Variants in MRPL38 observed in about 807,000 individuals in gnomAD.
The protein encoded by MRPL38 is mitochondrial ribosomal protein L38, also known as large ribosomal subunit protein mL38.
MRPL38 carries 51 observed loss-of-function variants against 52.1 expected under a neutral mutation model. The ratio of observed to expected loss-of-function variants is 0.98; its 90% CI spans 0.78 to 1.24. The LOEUF (loss-of-function observed/expected upper bound fraction) is 1.24. Among genes scored for constraint, MRPL38 ranks in the 50% most tolerant of loss-of-function variants. MRPL38 has a pLI of 0.00. For synonymous variants in MRPL38, 245 were observed against 212.7 expected (o/e 1.15, Z -1.32); for missense variants, 527 against 518.6 (o/e 1.02, Z -0.16).
chr17:75,904,765 CGACA>C, intron 1 of MRPL38, 40 bp downstream of exon 1: 20 of 749,826 alleles, frequency 2.7e-5, no homozygotes, highest in Non-Finnish European at 3.5e-5. Context: ...ACAGCTCGGG[CGACA>C]GCCCCCCCCC....
chr17:75,902,877 A>G (rs7210701), intron 2 of MRPL38, among the ~76,000 whole-genome samples: 1,999 of 152,222 alleles, frequency 0.013, 53 homozygotes, highest in African/African-American at 0.046. Context: ...GCCTGCCACC[A>G]TGCCCGACTA....
intron 8 of MRPL38, 41 bp downstream of exon 8, chr17:75,899,117 G>A: frequency 6.4e-7 from 1 of 1,572,312 alleles, no homozygotes. Context: ...CGAGGCCTGG[G>A]AGCTCAGGCC....
At chr17:75,900,102 T>G (rs1224393967) in intron 6 of MRPL38, 1 of 154,648 alleles carries the variant, frequency 6.5e-6, no homozygotes, top group African/African-American at 2.4e-5. Flanking sequence ...CCCCAGAGGG[T>G]CCTGCCGCAT....
Position 75,904,826 on chromosome 17 carries a change from C to A in MRPL38, c.50G>T (p.Arg17Leu), listed in dbSNP as rs143159098. 19 of 1,526,192 alleles carry A rather than the reference C, an allele frequency of 1.2e-5. No homozygotes were observed. In the Admixed American group the frequency reaches 2.6e-4, roughly 21 times the overall value. The allele number at this position is 1,526,192 out of a possible 1,614,324, so 94.5% of individuals were successfully genotyped here. Reference sequence around the variant, plus strand: ...CCCCTCACCCGAGGTGCTGAAGCCCCGCCATCTCCGACACTCGCACAGCGC... The same window carrying A: ...CCCCTCACCCGAGGTGCTGAAGCCCAGCCATCTCCGACACTCGCACAGCGC... ...RAALCECRRW[R>L]GFSTSAVLGR... The change falls in exon 1 of 9, where the codon CGG becomes CTG. Residue 17 changes from arginine to leucine, a missense_variant. Physicochemically the swap from Arg to Leu is moderately radical, Grantham distance 102. Coordinates refer to ENST00000309352, the MANE Select transcript of MRPL38 (RefSeq NM_032478.4).
rs1434358646 is a variant in MRPL38 at position 75,904,731 on chromosome 17, G to A, written c.68-12C>T. The A allele has an allele frequency of 1.3e-6, 2 of 1,514,732 alleles. No individual in the cohort carries two copies. The highest frequency in any genetic ancestry group is 1.8e-6 in the Non-Finnish European group (2 of 1,135,510). 93.8% of individuals were successfully genotyped at this position (1,514,732 alleles called of 1,614,324 possible). A position where few individuals can be genotyped will look rare whatever the true frequency, so the allele number is the denominator to read the frequency against. The stretch of plus-strand genomic sequence containing the variant: ...GCGGCCCAGGACGGCTGCGGGCAGA[G>A]AGAAGACGTAAGGCCGGCGCCCCAC... On this transcript the variant is annotated splice_polypyrimidine_tract_variant and intron_variant, in intron 1 of 8. Transcript: ENST00000309352.
chr17:75,899,000 G>C lies in MRPL38; in HGVS notation c.1007-14C>G. On this transcript the variant is annotated splice_polypyrimidine_tract_variant and intron_variant, in intron 8 of 8. Transcript: ENST00000309352. ...GCTCCCGCATGTCTGCAAGAAGAGT[G>C]AGGGGTACGGGGTGGTCTGCTGGCC... is the stretch of plus-strand genomic sequence containing the variant. The C allele has an allele frequency of 1.9e-6, 3 of 1,586,056 alleles. No individual in the cohort carries two copies. Among genetic ancestry groups the C allele is most frequent in the Non-Finnish European group, 2.6e-6 (3 of 1,167,510 alleles).
At chr17:75,904,426 G>T in intron 2 of MRPL38, 114 bp downstream of exon 2, 1 of 1,161,206 alleles carries the variant, frequency 8.6e-7, no homozygotes, top group Non-Finnish European at 1.2e-6. Context: ...CCCTCCCAGC[G>T]TCCCCAGCAT....
Position 75,904,526 on chromosome 17 carries a change from C to A in MRPL38, c.247+14G>T, listed in dbSNP as rs545194845. On this transcript the variant is annotated intron_variant, in intron 2 of 8. Coordinates refer to ENST00000309352, the MANE Select transcript of MRPL38 (RefSeq NM_032478.4). ...CGGGCGGTGGCTGCAGCCCCTGCTC[C>A]AGTCGCCCCGCACCTGTCTTCTCCC... 1.3e-6 allele frequency: 2 copies of A among 1,516,486 alleles called. No individual in the cohort carries two copies. The highest frequency in any genetic ancestry group is 1.8e-6 in the Non-Finnish European group (2 of 1,140,724). 93.9% of individuals were successfully genotyped at this position (1,516,486 alleles called of 1,614,324 possible).
Position 75,901,822 on chromosome 17 carries a change from G to T in MRPL38, c.481C>A (p.Leu161Met). 4 of 1,613,588 alleles carry T rather than the reference G, an allele frequency of 2.5e-6. No homozygotes were observed. The highest frequency in any genetic ancestry group is 3.4e-6 in the Non-Finnish European group (4 of 1,179,880). The change falls in exon 4 of 9, where the codon CTG becomes ATG. Residue 161 changes from leucine to methionine, a missense_variant. By Grantham distance (15) the Leu-to-Met change is conservative. Coordinates refer to ENST00000309352, the MANE Select transcript of MRPL38 (RefSeq NM_032478.4). This position sits in a 1 kb window ranked among gnomAD's most constrained non-coding sequence, Gnocchi z 5.7. ...GGCACAAAGGTGGCACCGTGGAACA[G>T]GTCTCGGTAGAGGCCGTAATACTCA... ...LAEYYGLYRDLFHGATFVPRV... is the reference protein window; with the variant it reads ...LAEYYGLYRDMFHGATFVPRV...
At chr17:75,904,768 C>CTGGG in intron 1 of MRPL38, 41 bp downstream of exon 1, 6 of 1,056,380 alleles carry the variant, frequency 5.7e-6, no homozygotes, top group Non-Finnish European at 7.5e-6. Flanking sequence ...GCTCGGGCGA[C>CTGGG]AGCCCCCCCC....
chr17:75,904,770 G>GCCCCCCCCCCCCCCCCCCCACCCCC, intron 1 of MRPL38, 39 bp downstream of exon 1: 1 of 500,008 alleles, frequency 2.0e-6, no homozygotes, highest in South Asian at 2.8e-5. Flanking sequence ...TCGGGCGACA[G>GCCCCCCCCCCCCCCCCCCCACCCCC]CCCCCCCCCC....
In MRPL38 at chr17:75,899,545, G is replaced by A. The variant is rs562216718; in HGVS notation, c.840C>T (p.Asp280=). The change falls in exon 7 of 9, where the codon GAC becomes GAT. Residue 280 remains aspartate, a synonymous_variant. Transcript: ENST00000309352. Reference sequence around the variant, plus strand: ...GTGAGGGGCGTGCGTCCTCAGAGAAGTCAATCGGCTGGTCCTGCTTGAAGA... The same window carrying A: ...GTGAGGGGCGTGCGTCCTCAGAGAAATCAATCGGCTGGTCCTGCTTGAAGA... ...FLLFKQDQPI[D]FSEDARPSPC... 2 of 1,602,328 alleles carry A rather than the reference G, an allele frequency of 1.2e-6. No homozygotes were observed. The highest frequency in any genetic ancestry group is 3.4e-5 in the Admixed American group (2 of 58,976).
At chr17:75,904,771 C>CGCCCG in intron 1 of MRPL38, 38 bp downstream of exon 1, 1 of 20,698 alleles carries the variant, frequency 4.8e-5, no homozygotes, top group Non-Finnish European at 6.1e-5. Flanking sequence ...CGGGCGACAG[C>CGCCCG]CCCCCCCCCC....
intron 2 of MRPL38, 119 bp downstream of exon 2, chr17:75,904,421 C>A: frequency 8.9e-7 from 1 of 1,121,732 alleles, no homozygotes; most frequent in Non-Finnish European, 1.3e-6. Context: ...GCAGGCCCTC[C>A]CAGCGTCCCC....
chr17:75,899,354 G>A lies in MRPL38; in HGVS notation c.870-60C>T, dbSNP rs1242156035. On this transcript the variant is annotated intron_variant, in intron 7 of 8. Transcript: ENST00000309352. ...GTGGGGCACCAGAGCCCCTCACCCC[G>A]CCACCCCAACAGGTAACCCTGAGAG... 1.6e-5 allele frequency: 26 copies of A among 1,579,392 alleles called. 1 individual carries two copies. The highest frequency in any genetic ancestry group is 9.3e-5 in the South Asian group (8 of 86,414).
chr17:75,901,101 A>C lies in MRPL38; in HGVS notation c.665-74T>G. 4 of 1,592,172 alleles carry C rather than the reference A, an allele frequency of 2.5e-6. No individual in the cohort carries two copies. In the South Asian group the frequency reaches 4.5e-5, roughly 18 times the overall value. ...GCCACCCCCTCCCTTGTTAGGAGCC[A>C]GCGCTGGAGATCTCCACCTGGCCCC... On this transcript the variant is annotated intron_variant, in intron 5 of 8. Transcript: ENST00000309352. This position sits in a 1 kb window ranked among gnomAD's most constrained non-coding sequence, Gnocchi z 5.7.
Position 75,901,467 on chromosome 17 carries a change from TGTGCCAAGGCC to T in MRPL38, c.592-205_592-195del. 1 of 681,512 alleles carries T rather than the reference TGTGCCAAGGCC, an allele frequency of 1.5e-6. No individual in the cohort carries two copies. The highest frequency in any genetic ancestry group is 2.5e-6 in the Non-Finnish European group (1 of 398,184). 42.2% of individuals were successfully genotyped at this position (681,512 alleles called of 1,614,324 possible). A position where few individuals can be genotyped will look rare whatever the true frequency, so the allele number is the denominator to read the frequency against. On this transcript the variant is annotated intron_variant, in intron 4 of 8. Transcript: ENST00000309352. The surrounding 1 kb of genome is among the most constrained non-coding windows in gnomAD (Gnocchi z 5.7). The stretch of plus-strand genomic sequence containing the variant: ...CAGGCAACAACCACAAAAACGAACA[TGTGCCAAGGCC>T]GGGCCAGGAGGGCACACCACAGACA...
intron 1 of MRPL38, 39 bp downstream of exon 1, chr17:75,904,770 G>GGCCCCCCCCCCCCCCCCCCCCCCCC: frequency 2.0e-6 from 1 of 500,006 alleles, no homozygotes; most frequent in Non-Finnish European, 2.8e-6. Flanking sequence ...TCGGGCGACA[G>GGCCCCCCCCCCCCCCCCCCCCCCCC]CCCCCCCCCC....
Position 75,901,118 on chromosome 17 carries a change from C to T in MRPL38, c.664+83G>A. 2.5e-6 allele frequency: 4 copies of T among 1,595,168 alleles called. No homozygotes were observed. Among genetic ancestry groups the T allele is most frequent in the Non-Finnish European group, 2.6e-6 (3 of 1,171,898 alleles). On this transcript the variant is annotated intron_variant, in intron 5 of 8. Coordinates refer to ENST00000309352, the MANE Select transcript of MRPL38 (RefSeq NM_032478.4). The surrounding 1 kb of genome is among the most constrained non-coding windows in gnomAD (Gnocchi z 5.7). Reference sequence around the variant, plus strand: ...TAGGAGCCAGCGCTGGAGATCTCCACCTGGCCCCTCCCCCAGCCCCCCAGG... The same window carrying T: ...TAGGAGCCAGCGCTGGAGATCTCCATCTGGCCCCTCCCCCAGCCCCCCAGG...
Sources: allele counts gnomAD v4.1 joint callset (sites outside exome capture counted in the v4.1 genomes callset), GRCh38; gene constraint gnomAD v4.1.1; non-coding constraint Gnocchi (gnomAD v3.1); transcripts MANE v1.5; gene names NCBI Gene and HGNC (gene_info 2026-07-23, HGNC 2026-07-21).